The following ABHD2 variants were observed in gnomAD, a reference collection of about 807,000 sequenced individuals.
ABHD2 encodes the protein abhydrolase domain containing 2, acylglycerol lipase, also known as monoacylglycerol lipase ABHD2.
A neutral mutation model predicts 48.1 loss-of-function variants in ABHD2; 20 were observed. The ratio of observed to expected loss-of-function variants is 0.42; its 90% CI spans 0.29 to 0.60. ABHD2 has a LOEUF of 0.60. Ranked by LOEUF, ABHD2 falls within the 20% of genes least tolerant of loss-of-function variation. ABHD2 has a pLI of 0.24. For missense variants in ABHD2, 405 were observed against 550.9 expected, an observed-to-expected ratio of 0.74 and a Z score of 2.65; for synonymous variants, 209 against 214.2, an observed-to-expected ratio of 0.98 and a Z score of 0.21.
At position 89,155,506 on chromosome 15, in the gene ABHD2, A is replaced by G; in HGVS notation, c.510A>G (p.Glu170=). The change falls in exon 5 of 11, where the codon GAA becomes GAG. Residue 170 remains glutamate, a synonymous_variant. Transcript: ENST00000352732. The surrounding 1 kb of genome is among the most constrained non-coding windows in gnomAD (Gnocchi z 4.9). ...ACCTGGGTGCCCTGCCCAACATTGA[A>G]TTGACCTCGCCACGCATGTTCACCT... is the stretch of plus-strand genomic sequence containing the variant. ...LNHLGALPNI[E]LTSPRMFTYG... is the part of the protein sequence containing the mutation. 1.9e-6 allele frequency: 3 copies of G among 1,614,040 alleles called. No homozygotes were observed. Among genetic ancestry groups the G allele is most frequent in the Non-Finnish European group, 2.5e-6 (3 of 1,179,926 alleles).
At chr15:89,140,428 T>C (rs2050383384) in intron 3 of ABHD2, among the ~76,000 whole-genome samples, 1 of 152,220 alleles carries the variant, frequency 6.6e-6, no homozygotes, top group Non-Finnish European at 1.5e-5. Context: ...GCTTTGGAAT[T>C]TAGGCAGGTG....
intron 3 of ABHD2, among the ~76,000 whole-genome samples, chr15:89,147,511 G>C (rs1338851786): frequency 1.3e-5 from 2 of 151,376 alleles, no homozygotes; most frequent in Non-Finnish European, 2.9e-5. Context: ...CCGCCACCAC[G>C]CCCGGCTAAT....
the ABHD2 span, among the ~76,000 whole-genome samples, chr15:89,060,087 T>A: frequency 3.1e-3 from 290 of 94,256 alleles, 2 homozygotes; most frequent in Non-Finnish European, 4.1e-3. Flanking sequence ...CAAGGCCTTT[T>A]TTTTTTTTTT....
At position 89,100,226 on chromosome 15, in the gene ABHD2, G is replaced by A. The variant is rs1450722603; in HGVS notation, c.-107+11663G>A. On this transcript the variant is annotated intron_variant, in intron 1 of 10. Coordinates refer to ENST00000352732, the MANE Select transcript of ABHD2 (RefSeq NM_152924.5). This position sits in a 1 kb window ranked among gnomAD's most constrained non-coding sequence, Gnocchi z 4.4. ...GGATCTTCCAGCCTTGGTGAATGAA[G>A]TCTCTCCTTTGTCTTCTCTGGTGAG... Among the ~76,000 whole-genome samples, 1 of 151,950 alleles carries A rather than the reference G, an allele frequency of 6.6e-6. No individual in the cohort carries two copies. Among genetic ancestry groups the A allele is most frequent in the Non-Finnish European group, 1.5e-5 (1 of 68,012 alleles).
At chr15:89,066,657 C>A in the ABHD2 span, among the ~76,000 whole-genome samples, 1 of 152,172 alleles carries the variant, frequency 6.6e-6, no homozygotes, top group Non-Finnish European at 1.5e-5. Flanking sequence ...TGGCTGCCTG[C>A]TCACACAAGT....
the ABHD2 span, among the ~76,000 whole-genome samples, chr15:89,073,509 C>CTCCTGACCAAAGT: frequency 6.6e-6 from 1 of 151,114 alleles, no homozygotes; most frequent in Non-Finnish European, 1.5e-5. Flanking sequence ...GTTGGCCAGG[C>CTCCTGACCAAAGT]TGGTCTCGAA....
At chr15:89,180,920 G>A (rs1481146077) in intron 6 of ABHD2, among the ~76,000 whole-genome samples, 5 of 152,076 alleles carry the variant, frequency 3.3e-5, no homozygotes, top group African/African-American at 1.2e-4. Flanking sequence ...TAACACGACA[G>A]AATGTATATA....
intron 1 of ABHD2, among the ~76,000 whole-genome samples, chr15:89,093,173 CTTTTTTTT>C (rs71149272): frequency 7.0e-5 from 5 of 71,782 alleles, no homozygotes; most frequent in Non-Finnish European, 1.4e-4. Flanking sequence ...TTTTTTCATT[CTTTTTTTT>C]TTTTTTTTTT....
the ABHD2 span, among the ~76,000 whole-genome samples, chr15:89,066,781 C>T: frequency 2.0e-5 from 3 of 152,190 alleles, no homozygotes; most frequent in East Asian, 1.9e-4. Flanking sequence ...AAGAGAGCCA[C>T]GGGCCAGCCA....
intron 3 of ABHD2, among the ~76,000 whole-genome samples, chr15:89,138,387 A>G (rs191940446): frequency 2.1e-4 from 32 of 152,284 alleles, no homozygotes; most frequent in Admixed American, 5.9e-4. Flanking sequence ...GTATCCCCAA[A>G]TCAAACACCT....
At position 89,174,327 on chromosome 15, in the gene ABHD2, A is replaced by G. The variant is rs372050104; in HGVS notation, c.539-1485A>G. ...AGCATTTGAATTTTCTACCATGGGC[A>G]TGAATTACCTACTCAAAAACAAAGT... On this transcript the variant is annotated intron_variant, in intron 5 of 10. Transcript: ENST00000352732. The surrounding 1 kb of genome is among the most constrained non-coding windows in gnomAD (Gnocchi z 4.1). 2.3e-4 allele frequency among the ~76,000 whole-genome samples: 35 copies of G among 152,336 alleles called. No individual in the cohort carries two copies. In the South Asian group the frequency reaches 6.0e-3, roughly 26 times the overall value.
chr15:89,072,067 T>C, the ABHD2 span, among the ~76,000 whole-genome samples: 1 of 152,200 alleles, frequency 6.6e-6, no homozygotes, highest in African/African-American at 2.4e-5. Flanking sequence ...CACACTTTTA[T>C]TTTTTTCCTT....
chr15:89,150,490 T>C (rs2150885762), intron 3 of ABHD2, among the ~76,000 whole-genome samples: 1 of 152,350 alleles, frequency 6.6e-6, no homozygotes, highest in Non-Finnish European at 1.5e-5. Flanking sequence ...CGCTGGCAAG[T>C]GGCTTCATGT....
chr15:89,044,186 G>A, the ABHD2 span, among the ~76,000 whole-genome samples: 1 of 152,128 alleles, frequency 6.6e-6, no homozygotes, highest in Non-Finnish European at 1.5e-5. Flanking sequence ...AGTTTACTGA[G>A]AGTGATGATT....
At chr15:89,079,304 T>G in the ABHD2 span, among the ~76,000 whole-genome samples, 1 of 152,198 alleles carries the variant, frequency 6.6e-6, no homozygotes, top group African/African-American at 2.4e-5. This position sits in a 1 kb window ranked among gnomAD's most constrained non-coding sequence, Gnocchi z 4.3. Flanking sequence ...TTACCCTTCC[T>G]TCTTTTTTTC....
chr15:89,111,151 A>G (rs73467743), intron 1 of ABHD2, among the ~76,000 whole-genome samples: 2,742 of 152,314 alleles, frequency 0.018, 23 homozygotes, highest in Middle Eastern at 0.037. Flanking sequence ...GTTGACATAC[A>G]TATTTTCCTT....
At chr15:89,058,540 C>T in the ABHD2 span, among the ~76,000 whole-genome samples, 2 of 152,180 alleles carry the variant, frequency 1.3e-5, no homozygotes, top group South Asian at 2.1e-4. Context: ...GAACATGGCC[C>T]GAGGAGGTGC....
At chr15:89,064,090 G>C in the ABHD2 span, among the ~76,000 whole-genome samples, 2 of 151,912 alleles carry the variant, frequency 1.3e-5, no homozygotes. Flanking sequence ...TATCTCATCT[G>C]AGTAGAATCA....
upstream of ABHD2, among the ~76,000 whole-genome samples, chr15:89,085,793 C>G (rs1382059810): frequency 1.3e-5 from 2 of 152,212 alleles, no homozygotes; most frequent in African/African-American, 4.8e-5. The surrounding 1 kb of genome is among the most constrained non-coding windows in gnomAD (Gnocchi z 4.2). Context: ...AGAAATCATC[C>G]TGGATCTCAG....
Sources: gnomAD v4.1 joint callset for allele counts (sites outside exome capture counted in the v4.1 genomes callset) on GRCh38, gnomAD v4.1.1 for gene constraint, Gnocchi (gnomAD v3.1) non-coding constraint, MANE v1.5 for transcripts, NCBI Gene and HGNC (gene_info 2026-07-23, HGNC 2026-07-21) for gene names.